SORCS2: variants seen among roughly 807,000 people sequenced by gnomAD.
The protein encoded by SORCS2 is VPS10 domain-containing receptor SorCS2.
SORCS2 carries 100 observed loss-of-function variants against 141.6 expected under a neutral mutation model. That is an observed-to-expected ratio of 0.71 (90% CI 0.60 to 0.83). The LOEUF (loss-of-function observed/expected upper bound fraction) is 0.83, where lower values mean the gene tolerates loss of function less well. SORCS2 is among the 40% of genes least tolerant of loss of function. SORCS2 has a pLI of 0.00. For missense variants in SORCS2, 1,646 were observed against 1,560.2 expected, an observed-to-expected ratio of 1.05 and a Z score of -0.93; for synonymous variants, 789 against 676.9, an observed-to-expected ratio of 1.17 and a Z score of -2.57.
intron 1 of SORCS2, among the ~76,000 whole-genome samples, chr4:7,374,164 T>C (rs553069567): frequency 6.8e-6 from 1 of 147,956 alleles, no homozygotes; most frequent in Non-Finnish European, 1.5e-5. Flanking sequence ...TCTTTCTTTC[T>C]TTCTTTCTTT....
chr4:7,479,057 G>A (rs144798770), intron 2 of SORCS2, among the ~76,000 whole-genome samples: 36 of 152,278 alleles, frequency 2.4e-4, no homozygotes, highest in African/African-American at 8.7e-4. Flanking sequence ...GATAAGCTGT[G>A]TTCCTCATGG....
intron 3 of SORCS2, among the ~76,000 whole-genome samples, chr4:7,615,408 G>T (rs1285567488): frequency 6.6e-6 from 1 of 152,230 alleles, no homozygotes; most frequent in Non-Finnish European, 1.5e-5. Flanking sequence ...CCTGGTATAA[G>T]GGGGTTAACC....
intron 2 of SORCS2, among the ~76,000 whole-genome samples, chr4:7,413,881 C>T (rs144076761): frequency 0.033 from 5,028 of 152,252 alleles, 143 homozygotes; most frequent in Non-Finnish European, 0.047. Flanking sequence ...GTAAGCTCTT[C>T]TGTGTGCCCT....
chr4:7,504,354 C>T (rs915283111), intron 2 of SORCS2, among the ~76,000 whole-genome samples: 17 of 152,354 alleles, frequency 1.1e-4, no homozygotes, highest in African/African-American at 3.8e-4. Context: ...ACCCCCAGAG[C>T]TCCTGTGACT....
At chr4:7,540,321 T>G (rs1438057678) in intron 3 of SORCS2, among the ~76,000 whole-genome samples, 1 of 151,904 alleles carries the variant, frequency 6.6e-6, no homozygotes, top group Non-Finnish European at 1.5e-5. Flanking sequence ...TGCATGATGG[T>G]GCTCAGAGGC....
At chr4:7,657,569 GTAAC>G (rs781681069) in intron 5 of SORCS2, among the ~76,000 whole-genome samples, 181 of 152,276 alleles carry the variant, frequency 1.2e-3, no homozygotes, top group Admixed American at 3.1e-3. Context: ...GAGTGAGCAA[GTAAC>G]TGACTGAATG....
chr4:7,229,453 G>C (rs1024274294), intron 1 of SORCS2, among the ~76,000 whole-genome samples: 1 of 152,212 alleles, frequency 6.6e-6, no homozygotes, highest in African/African-American at 2.4e-5. Flanking sequence ...TCCAGAAAGA[G>C]AGCCTCTGTC....
chr4:7,575,571 T>G (rs1003308871), intron 3 of SORCS2, among the ~76,000 whole-genome samples: 2 of 152,218 alleles, frequency 1.3e-5, no homozygotes, highest in African/African-American at 4.8e-5. Flanking sequence ...CAAAGACACT[T>G]AAGTTTCGCA....
intron 2 of SORCS2, among the ~76,000 whole-genome samples, chr4:7,462,179 T>G (rs1352069019): frequency 6.6e-6 from 1 of 152,206 alleles, no homozygotes; most frequent in African/African-American, 2.4e-5. Flanking sequence ...TGACATTTGT[T>G]AAGGCTGTGC....
At chr4:7,390,564 C>A (rs573090835) in intron 1 of SORCS2, among the ~76,000 whole-genome samples, 1 of 152,168 alleles carries the variant, frequency 6.6e-6, no homozygotes. Context: ...GGGATTATTG[C>A]GCGTCTCTCC....
chr4:7,719,159 G>A (rs1156416730), intron 18 of SORCS2, among the ~76,000 whole-genome samples: 1 of 152,234 alleles, frequency 6.6e-6, no homozygotes, highest in Non-Finnish European at 1.5e-5. Context: ...GCTTCACAGT[G>A]ATGTGTGTCC....
rs555466662 is a variant in SORCS2, at chr4:7,498,480, G to A, written c.549-33050G>A. 1.1e-3 allele frequency among the ~76,000 whole-genome samples: 172 copies of A among 152,318 alleles called. 1 individual carries two copies. Among genetic ancestry groups the A allele is most frequent in the African/African-American group, 3.9e-3 (164 of 41,570 alleles). ...ACACCTCTGAGTGTGGTGCAGAGCT[G>A]CTCTGCCACAAAATTGAGACCCATG... On this transcript the variant is annotated intron_variant, in intron 2 of 26. Transcript: ENST00000507866.
chr4:7,326,640 G>A (rs894314608), intron 1 of SORCS2, among the ~76,000 whole-genome samples: 8 of 152,264 alleles, frequency 5.3e-5, no homozygotes, highest in Non-Finnish European at 8.8e-5. Flanking sequence ...AGGGACCCCG[G>A]CCTGGTGCTG....
At chr4:7,674,066 C>T (rs999555754) in intron 8 of SORCS2, among the ~76,000 whole-genome samples, 1 of 152,138 alleles carries the variant, frequency 6.6e-6, no homozygotes, top group Non-Finnish European at 1.5e-5. Flanking sequence ...CTGCTGCCTC[C>T]GGGCACTTCA....
intron 3 of SORCS2, among the ~76,000 whole-genome samples, chr4:7,597,272 A>G (rs898573446): frequency 2.0e-5 from 3 of 149,880 alleles, no homozygotes; most frequent in Non-Finnish European, 4.4e-5. Context: ...GGGACTACGC[A>G]ATAGAGGAGG....
chr4:7,733,252 C>A (rs1230220011), intron 23 of SORCS2, 70 bp from the exon 24 acceptor site: 1 of 1,221,106 alleles, frequency 8.2e-7, no homozygotes. Flanking sequence ...GAGGAGGACC[C>A]CATCCCCCTT....
intron 3 of SORCS2, among the ~76,000 whole-genome samples, chr4:7,619,643 G>C (rs1189513435): frequency 6.6e-6 from 1 of 152,168 alleles, no homozygotes; most frequent in Non-Finnish European, 1.5e-5. Context: ...TGTCCCGACA[G>C]AGGTTGGACT....
At chr4:7,571,530 G>T (rs1395256198) in intron 3 of SORCS2, among the ~76,000 whole-genome samples, 1 of 152,144 alleles carries the variant, frequency 6.6e-6, no homozygotes, top group Non-Finnish European at 1.5e-5. Flanking sequence ...TTCTACCTGG[G>T]CAGTCCCGTG....
At chr4:7,379,999 T>C (rs1166701917) in intron 1 of SORCS2, among the ~76,000 whole-genome samples, 1 of 152,236 alleles carries the variant, frequency 6.6e-6, no homozygotes, top group Admixed American at 6.5e-5. Context: ...GCTTTCCTGA[T>C]GCCCAGAGCC....
Sources: allele counts gnomAD v4.1 joint callset (sites outside exome capture counted in the v4.1 genomes callset), GRCh38; gene constraint gnomAD v4.1.1; transcripts MANE v1.5; gene names NCBI Gene and HGNC (gene_info 2026-07-23, HGNC 2026-07-21).